PRKN: variants seen among roughly 807,000 people sequenced by gnomAD.
The protein encoded by PRKN is E3 ubiquitin-protein ligase parkin.
In PRKN, 56 loss-of-function variants were observed where a neutral mutation model predicts 59.5. The observed-to-expected ratio is 0.94, with a 90% CI of 0.76 to 1.18. The LOEUF (loss-of-function observed/expected upper bound fraction) is 1.18. Ranked by LOEUF, PRKN falls within the 50% of genes most tolerant of loss-of-function variation. The pLI is 0.00. For synonymous variants in PRKN, 250 were observed against 222.1 expected (o/e 1.13, Z -1.12); for missense variants, 657 against 596.4 (o/e 1.10, Z -1.06).
At position 161,604,710 on chromosome 6, in the gene PRKN, G is replaced by A. The variant is rs548650290; in HGVS notation, c.872-35294C>T. On this transcript the variant is annotated intron_variant, in intron 7 of 11. Coordinates refer to ENST00000366898, the MANE Select transcript of PRKN (RefSeq NM_004562.3). ...AACACTTTGGGAGGCCAAGGTGGGC[G>A]GATCACTTGAGAACAGGAGTTCGAG... Among the ~76,000 whole-genome samples the A allele has an allele frequency of 4.6e-5, 7 of 152,164 alleles. No homozygotes were observed. The South Asian group carries it at 6.2e-4, about 13-fold the overall frequency.
At chr6:162,188,024 G>A (rs547796173) in intron 4 of PRKN, among the ~76,000 whole-genome samples, 1 of 152,260 alleles carries the variant, frequency 6.6e-6, no homozygotes, top group South Asian at 2.1e-4. Context: ...TCTCATGATA[G>A]TGAATGAGTC....
chr6:162,362,939 T>A (rs1324980254), intron 2 of PRKN, among the ~76,000 whole-genome samples: 1 of 151,540 alleles, frequency 6.6e-6, no homozygotes, highest in East Asian at 1.9e-4. Context: ...CCATCCTGAC[T>A]AACACGGTGA....
At chr6:162,656,206 G>A (rs1050889681) in intron 1 of PRKN, among the ~76,000 whole-genome samples, 13 of 152,174 alleles carry the variant, frequency 8.5e-5, no homozygotes, top group Non-Finnish European at 7.3e-5. Flanking sequence ...AGCTACATAT[G>A]TATTAATTTA....
intron 1 of PRKN, among the ~76,000 whole-genome samples, chr6:162,687,485 C>T (rs924930154): frequency 6.6e-6 from 1 of 151,922 alleles, no homozygotes; most frequent in African/African-American, 2.4e-5. Flanking sequence ...TGACTGGCCA[C>T]AAAAGAGTCT....
Position 161,399,534 on chromosome 6 carries a change from T to C in PRKN, c.1084-12657A>G, listed in dbSNP as rs34942163. On this transcript the variant is annotated intron_variant, in intron 9 of 11. Transcript: ENST00000366898. The surrounding 1 kb of genome is among the most constrained non-coding windows in gnomAD (Gnocchi z 4.4). ...GCTCATCTGCATGCTCCCCCTCCCA[T>C]AAGGAGTTTGAGCAGTGGTGGTGGC... 7.9e-3 allele frequency among the ~76,000 whole-genome samples: 1,200 copies of C among 152,176 alleles called. 8 individuals are homozygous for C. Among genetic ancestry groups the C allele is most frequent in the Non-Finnish European group, 0.013 (866 of 67,982 alleles).
intron 4 of PRKN, among the ~76,000 whole-genome samples, chr6:162,103,505 A>G (rs1780063907): frequency 6.6e-6 from 1 of 152,204 alleles, no homozygotes; most frequent in Non-Finnish European, 1.5e-5. Context: ...CAAACAGAAA[A>G]GAACAACAGA....
intron 9 of PRKN, among the ~76,000 whole-genome samples, chr6:161,476,491 C>A (rs1791088675): frequency 6.6e-6 from 1 of 152,180 alleles, no homozygotes; most frequent in South Asian, 2.1e-4. Flanking sequence ...ACTTAAGACA[C>A]TTTTCCTTGA....
chr6:162,011,976 T>C (rs79969248), intron 5 of PRKN, among the ~76,000 whole-genome samples: 7 of 152,222 alleles, frequency 4.6e-5, no homozygotes, highest in Non-Finnish European at 8.8e-5. Flanking sequence ...AGCTAGAGGA[T>C]AGATATAGAC....
At chr6:161,798,923 C>T (rs1345618162) in intron 6 of PRKN, among the ~76,000 whole-genome samples, 1 of 152,182 alleles carries the variant, frequency 6.6e-6, no homozygotes, top group Non-Finnish European at 1.5e-5. Context: ...CCCCCACACA[C>T]TGCCCTCACC....
chr6:162,724,761 T>C (rs556527545), intron 1 of PRKN, among the ~76,000 whole-genome samples: 80 of 152,340 alleles, frequency 5.3e-4, no homozygotes, highest in Non-Finnish European at 9.7e-4. Context: ...AATTTTCCTT[T>C]GTTTTACAGA....
At chr6:162,236,353 C>A (rs1778711644) in intron 3 of PRKN, among the ~76,000 whole-genome samples, 1 of 152,316 alleles carries the variant, frequency 6.6e-6, no homozygotes, top group South Asian at 2.1e-4. Context: ...ACCCTGACCT[C>A]AACCCCAGCC....
chr6:162,068,340 C>A (rs1483988319), intron 4 of PRKN, among the ~76,000 whole-genome samples: 1 of 152,112 alleles, frequency 6.6e-6, no homozygotes, highest in Non-Finnish European at 1.5e-5. Flanking sequence ...TTTTCTATTG[C>A]TGTGTAACAA....
chr6:162,650,940 A>C (rs564220547), intron 1 of PRKN, among the ~76,000 whole-genome samples: 2 of 152,294 alleles, frequency 1.3e-5, no homozygotes, highest in Admixed American at 1.3e-4. Flanking sequence ...AATTGTATTT[A>C]TGTTCTTTTG....
At chr6:161,638,208 C>T (rs1323029580) in intron 7 of PRKN, among the ~76,000 whole-genome samples, 2 of 152,032 alleles carry the variant, frequency 1.3e-5, no homozygotes, top group African/African-American at 4.8e-5. Context: ...TCTCAGCTCA[C>T]TGCAACCTCC....
chr6:161,526,007 A>C lies in PRKN; in HGVS notation c.1083+22847T>G, dbSNP rs1407275516. 6.6e-6 allele frequency among the ~76,000 whole-genome samples: 1 copy of C among 152,182 alleles called. No individual in the cohort carries two copies. Among genetic ancestry groups the C allele is most frequent in the Non-Finnish European group, 1.5e-5 (1 of 68,026 alleles). ...ATAGGTTTAAGTTGCCTGTAACCCA[A>C]ATCTGTGTATATAAGCAATTTAGTA... On this transcript the variant is annotated intron_variant, in intron 9 of 11. Transcript: ENST00000366898. The surrounding 1 kb of genome is among the most constrained non-coding windows in gnomAD (Gnocchi z 4.1).
intron 1 of PRKN, among the ~76,000 whole-genome samples, chr6:162,473,071 G>A (rs993212804): frequency 6.6e-6 from 1 of 151,872 alleles, no homozygotes; most frequent in African/African-American, 2.4e-5. Flanking sequence ...CCCCTTCATA[G>A]TTGCTTAATT....
chr6:162,560,912 G>GC (rs1779813108), intron 1 of PRKN, among the ~76,000 whole-genome samples: 1 of 142,390 alleles, frequency 7.0e-6, no homozygotes, highest in Non-Finnish European at 1.5e-5. Flanking sequence ...TTATAAAGAT[G>GC]CCCACTGGGT....
chr6:162,010,886 A>C lies in PRKN; in HGVS notation c.619-37469T>G, dbSNP rs1421159325. The stretch of plus-strand genomic sequence containing the variant: ...TAATATATTATAAAATATATTATAT[A>C]ATATATTATATATACTATAATATAT... On this transcript the variant is annotated intron_variant, in intron 5 of 11. Transcript: ENST00000366898. Among the ~76,000 whole-genome samples, 2 of 10,816 alleles carry C rather than the reference A, an allele frequency of 1.8e-4. 1 individual carries two copies. Among genetic ancestry groups the C allele is most frequent in the South Asian group, 6.7e-3 (2 of 298 alleles). The allele number at this position is 10,816 out of a possible 152,430, so 7.1% of individuals were successfully genotyped here.
intron 1 of PRKN, among the ~76,000 whole-genome samples, chr6:162,659,788 A>C (rs1284058250): frequency 6.6e-6 from 1 of 152,174 alleles, no homozygotes; most frequent in African/African-American, 2.4e-5. Flanking sequence ...TTCATCATGG[A>C]AAATGAAAAG....
Sources: allele counts gnomAD v4.1 joint callset (sites outside exome capture counted in the v4.1 genomes callset), GRCh38; gene constraint gnomAD v4.1.1; non-coding constraint Gnocchi (gnomAD v3.1); transcripts MANE v1.5; gene names NCBI Gene and HGNC (gene_info 2026-07-23, HGNC 2026-07-21).